UBE2S: variants seen among roughly 807,000 people sequenced by gnomAD.
UBE2S encodes ubiquitin-conjugating enzyme E2 S.
A neutral mutation model predicts 12.3 loss-of-function variants in UBE2S; 3 were observed. That is an observed-to-expected ratio of 0.24 (90% CI 0.11 to 0.63). UBE2S has a LOEUF of 0.63. UBE2S is among the 30% of genes least tolerant of loss of function. The probability of loss-of-function intolerance (pLI) is 0.85; values close to 1 mark genes in which losing one functional copy is unlikely to be tolerated. For synonymous variants in UBE2S, 133 were observed against 142.0 expected, an observed-to-expected ratio of 0.94 and a Z score of 0.45; for missense variants, 211 against 313.9, an observed-to-expected ratio of 0.67 and a Z score of 2.48.
Position 55,401,716 on chromosome 19 carries a change from T to C in UBE2S, c.389A>G (p.Asn130Ser), listed in dbSNP as rs764747972. 1 of 1,613,446 alleles carries C rather than the reference T, an allele frequency of 6.2e-7. No homozygotes were observed. Residue 130 changes from asparagine (N) to serine (S), a missense_variant, in exon 4 of 4, where the codon AAC (asparagine) becomes AGC (serine). Coordinates refer to ENST00000264552, the MANE Select transcript of UBE2S (RefSeq NM_014501.3). ...LIHPNPESAL[N>S]EEAGRLLLEN... ...CAAGAGCAGGCGGCCCGCCTCCTCG[T>C]TGAGTGCAGACTCGGGGTTAGGGTG...
chr19:55,401,763 C>T lies in UBE2S; in HGVS notation c.343-1G>A. The T allele has an allele frequency of 1.2e-6, 2 of 1,613,142 alleles. No homozygotes were observed. Among genetic ancestry groups the T allele is most frequent in the Non-Finnish European group, 1.7e-6 (2 of 1,180,024 alleles). ...GGTGGATCAGCAGGCACTTGATGGT[C>T]TGTGGGAAGAGGCTCAGGGTCACAG... On this transcript the variant is annotated splice_acceptor_variant, in intron 3 of 3. Transcript: ENST00000264552. LOFTEE classifies it high-confidence loss of function.
Position 55,401,184 on chromosome 19 carries a change from G to T in UBE2S, c.*252C>A, listed in dbSNP as rs2090054911. ...AGATGGACCCACTGCTGCAGTCCAT[G>T]AGGCTTTACAAGGACCCAGGGCCTG... is the stretch of plus-strand genomic sequence containing the variant. On this transcript the variant is annotated 3_prime_UTR_variant, in exon 4 of 4. Transcript: ENST00000264552. 1 of 564,766 alleles carries T rather than the reference G, an allele frequency of 1.8e-6. No individual in the cohort carries two copies. The highest frequency in any genetic ancestry group is 3.4e-5 in the Admixed American group (1 of 29,150). The allele number at this position is 564,766 out of a possible 1,614,324, so 35.0% of individuals were successfully genotyped here.
At position 55,404,592 on chromosome 19, in the gene UBE2S, C is replaced by T; in HGVS notation, c.152-114G>A. ...GTGATGCAGGTGGGTGCCCCGCCAA[C>T]TCTGCCAACAGACTGGAGGATTCTT... is the stretch of plus-strand genomic sequence containing the variant. On this transcript the variant is annotated intron_variant, in intron 2 of 3. Transcript: ENST00000264552. The surrounding 1 kb of genome is among the most constrained non-coding windows in gnomAD (Gnocchi z 4.4). The T allele has an allele frequency of 1.1e-6, 1 of 911,506 alleles. No homozygotes were observed. The allele number at this position is 911,506 out of a possible 1,614,324, so 56.5% of individuals were successfully genotyped here.
chr19:55,404,910 A>G lies in UBE2S; in HGVS notation c.152-432T>C, dbSNP rs1409585213. ...GAACCACCATGCCCAGTCAGGCTGTAGAATTCTTAAGAGCAAGAGGCCAGG... is the reference window on the plus strand; with the variant it reads ...GAACCACCATGCCCAGTCAGGCTGTGGAATTCTTAAGAGCAAGAGGCCAGG... On this transcript the variant is annotated intron_variant, in intron 2 of 3. Coordinates refer to ENST00000264552, the MANE Select transcript of UBE2S (RefSeq NM_014501.3). The surrounding 1 kb of genome is among the most constrained non-coding windows in gnomAD (Gnocchi z 4.4). Among the ~76,000 whole-genome samples the G allele has an allele frequency of 2.7e-5, 4 of 150,470 alleles. No homozygotes were observed. Among genetic ancestry groups the G allele is most frequent in the Admixed American group, 2.0e-4 (3 of 15,116 alleles).
chr19:55,402,439 G>A (rs906039983), intron 3 of UBE2S, among the ~76,000 whole-genome samples: 8 of 152,308 alleles, frequency 5.3e-5, no homozygotes, highest in South Asian at 2.1e-4. Context: ...TTCACAGCCC[G>A]TCCTGAGGGG....
intron 3 of UBE2S, among the ~76,000 whole-genome samples, chr19:55,403,524 G>T (rs1009873478): frequency 2.0e-5 from 3 of 148,454 alleles, no homozygotes; most frequent in African/African-American, 7.3e-5. Context: ...AGGGAAGAAA[G>T]AAAAAGGAAA....
intron 3 of UBE2S, among the ~76,000 whole-genome samples, chr19:55,402,278 A>G (rs2090065540): frequency 6.6e-6 from 1 of 152,250 alleles, no homozygotes; most frequent in South Asian, 2.1e-4. Flanking sequence ...TTCCAGATAC[A>G]GCATAAATCC....
intron 3 of UBE2S, among the ~76,000 whole-genome samples, chr19:55,403,522 A>T (rs2090076354): frequency 6.7e-6 from 1 of 148,750 alleles, no homozygotes; most frequent in African/African-American, 2.4e-5. Flanking sequence ...AAAGGGAAGA[A>T]AGAAAAAGGA....
chr19:55,403,546 G>A (rs1323864710), intron 3 of UBE2S, among the ~76,000 whole-genome samples: 2 of 151,730 alleles, frequency 1.3e-5, no homozygotes, highest in African/African-American at 2.4e-5. Context: ...AAAGAAGAAA[G>A]AAAAGAAAGA....
In UBE2S at chr19:55,404,254, G is replaced by A. The variant is rs766214131; in HGVS notation, c.342+34C>T. Reference sequence around the variant, plus strand: ...GACACCAGCAGACCTCCAGAGGCAGGAGGCAGGAGGCCCAGCCCCAGCCCA... The same window carrying A: ...GACACCAGCAGACCTCCAGAGGCAGAAGGCAGGAGGCCCAGCCCCAGCCCA... On this transcript the variant is annotated intron_variant, in intron 3 of 3. Coordinates refer to ENST00000264552, the MANE Select transcript of UBE2S (RefSeq NM_014501.3). The surrounding 1 kb of genome is among the most constrained non-coding windows in gnomAD (Gnocchi z 4.4). The A allele has an allele frequency of 9.3e-6, 15 of 1,611,546 alleles. No individual in the cohort carries two copies. In the Middle Eastern group the frequency reaches 6.4e-4, roughly 69 times the overall value.
intron 2 of UBE2S, 68 bp downstream of exon 2, chr19:55,406,747 G>C: frequency 2.6e-6 from 4 of 1,547,536 alleles, no homozygotes; most frequent in African/African-American, 1.4e-5. Context: ...CTTCCCGCTA[G>C]GGTGATCTAG....
chr19:55,404,117 G>C lies in UBE2S; in HGVS notation c.342+171C>G. On this transcript the variant is annotated intron_variant, in intron 3 of 3. Transcript: ENST00000264552. This position sits in a 1 kb window ranked among gnomAD's most constrained non-coding sequence, Gnocchi z 4.4. The stretch of plus-strand genomic sequence containing the variant: ...CTTCTCAACAGTACTTGGGTGTCCT[G>C]GGTCTGGCACTGTTTGTCTTTCCAG... 1.2e-6 allele frequency: 1 copy of C among 811,410 alleles called. No individual in the cohort carries two copies. The highest frequency in any genetic ancestry group is 1.9e-6 in the Non-Finnish European group (1 of 519,348). The allele number at this position is 811,410 out of a possible 1,614,324, so 50.3% of individuals were successfully genotyped here.
chr19:55,399,896 A>G lies in UBE2S; in HGVS notation c.*1540T>C, dbSNP rs1049852461. 2.0e-5 allele frequency: 3 copies of G among 152,184 alleles called. No individual in the cohort carries two copies. Among genetic ancestry groups the G allele is most frequent in the Non-Finnish European group, 4.4e-5 (3 of 68,044 alleles). The allele number at this position is 152,184 out of a possible 1,614,324, so 9.4% of individuals were successfully genotyped here. Reference sequence around the variant, plus strand: ...AAACGCAGAGCTTAAGATTTCTTGGATGGCCAGTGATGTGAATTTGATCTG... The same window carrying G: ...AAACGCAGAGCTTAAGATTTCTTGGGTGGCCAGTGATGTGAATTTGATCTG... On this transcript the variant is annotated 3_prime_UTR_variant, in exon 4 of 4. Transcript: ENST00000264552.
chr19:55,403,004 G>A, intron 3 of UBE2S: 3 of 1,533,474 alleles, frequency 2.0e-6, no homozygotes, highest in South Asian at 1.2e-5. Context: ...CCTAGACCAG[G>A]ACGCCTCCAC....
At position 55,404,449 on chromosome 19, in the gene UBE2S, G is replaced by A. The variant is rs747823368; in HGVS notation, c.181C>T (p.Arg61Cys). Reference sequence around the variant, plus strand: ...TCCTTCCCCAGCAGGAGTTTCATGCGGAACAGACCTCCAGCATATGGGGTC... The same window carrying A: ...TCCTTCCCCAGCAGGAGTTTCATGCAGAACAGACCTCCAGCATATGGGGTC... ...EGTPYAGGLF[R>C]MKLLLGKDFP... Residue 61 changes from arginine to cysteine, a missense_variant, in exon 3 of 4, where the codon CGC becomes TGC. By Grantham distance (180) the Arg-to-Cys change is radical. Coordinates refer to ENST00000264552, the MANE Select transcript of UBE2S (RefSeq NM_014501.3). The surrounding 1 kb of genome is among the most constrained non-coding windows in gnomAD (Gnocchi z 4.4). 1.4e-5 allele frequency: 23 copies of A among 1,610,732 alleles called. No homozygotes were observed. The highest frequency in any genetic ancestry group is 1.8e-5 in the Non-Finnish European group (21 of 1,178,138).
At position 55,406,962 on chromosome 19, in the gene UBE2S, T is replaced by TA; in HGVS notation, c.4-1_4insT (p.Asn2Ter). Reference sequence around the variant, plus strand: ...GGGGGTAGGTTCTCCACGTTGGAGTTCTGGGCACGGATGGGAGAGCAGGGT... The same window carrying TA: ...GGGGGTAGGTTCTCCACGTTGGAGTTACTGGGCACGGATGGGAGAGCAGGGT... On this transcript the variant is annotated frameshift_variant and splice_region_variant. Transcript: ENST00000264552. LOFTEE classifies it high-confidence loss of function. 1 of 1,613,446 alleles carries TA rather than the reference T, an allele frequency of 6.2e-7. No homozygotes were observed.
chr19:55,405,872 C>T (rs551989984), intron 2 of UBE2S, among the ~76,000 whole-genome samples: 1 of 152,308 alleles, frequency 6.6e-6, no homozygotes, highest in Admixed American at 6.5e-5. Flanking sequence ...TGAGCACCGG[C>T]CTGCTAGGTC....
In UBE2S at chr19:55,407,734, C is replaced by G; in HGVS notation, c.-145G>C. ...CTCCGCTCCCCGCTGCCTCCGACGTCCGCCGCGCACAGCGTAGACCAACCC... is the reference window on the plus strand; with the variant it reads ...CTCCGCTCCCCGCTGCCTCCGACGTGCGCCGCGCACAGCGTAGACCAACCC... On this transcript the variant is annotated 5_prime_UTR_variant, in exon 1 of 4. Coordinates refer to ENST00000264552, the MANE Select transcript of UBE2S (RefSeq NM_014501.3). 1 of 551,492 alleles carries G rather than the reference C, an allele frequency of 1.8e-6. No homozygotes were observed. The highest frequency in any genetic ancestry group is 2.7e-6 in the Non-Finnish European group (1 of 372,040). 34.2% of individuals were successfully genotyped at this position (551,492 alleles called of 1,614,324 possible).
chr19:55,403,303 T>A, intron 3 of UBE2S: 1 of 569,428 alleles, frequency 1.8e-6, no homozygotes, highest in South Asian at 2.3e-5. Flanking sequence ...AAGCCTCTAA[T>A]GAGACCCCAT....
Sources: allele counts gnomAD v4.1 joint callset (sites outside exome capture counted in the v4.1 genomes callset), GRCh38; gene constraint gnomAD v4.1.1; non-coding constraint Gnocchi (gnomAD v3.1); transcripts MANE v1.5; gene names NCBI Gene and HGNC (gene_info 2026-07-23, HGNC 2026-07-21).